The following PAX7 variants were observed in gnomAD, a reference collection of about 807,000 sequenced individuals.
PAX7 encodes the protein paired box protein Pax-7.
In PAX7, 18 loss-of-function variants were observed where a neutral mutation model predicts 50.7. That is an observed-to-expected ratio of 0.36 (90% CI 0.25 to 0.53). The LOEUF is 0.53. PAX7 is among the 20% of genes least tolerant of loss of function. The pLI, the probability that PAX7 is intolerant of heterozygous loss-of-function variation, is 0.93. For synonymous variants in PAX7, 310 were observed against 290.4 expected, an observed-to-expected ratio of 1.07 and a Z score of -0.69; for missense variants, 644 against 702.9, an observed-to-expected ratio of 0.92 and a Z score of 0.95.
chr1:18,725,306 C>G lies in PAX7; in HGVS notation c.1156-10326C>G, dbSNP rs1227784117. Among the ~76,000 whole-genome samples, 5 of 53,760 alleles carry G rather than the reference C, an allele frequency of 9.3e-5. 1 individual carries two copies. The highest frequency in any genetic ancestry group is 6.3e-4 in the African/African-American group (4 of 6,346). 35.3% of individuals were successfully genotyped at this position (53,760 alleles called of 152,430 possible). ...ACCAATTACAGAGGTGGAGACGCCC[C>G]CCCCCCGCCCCACCAACACCGCCAG... On this transcript the variant is annotated intron_variant, in intron 7 of 8. Coordinates refer to ENST00000420770, the MANE Select transcript of PAX7 (RefSeq NM_001135254.2).
intron 7 of PAX7, among the ~76,000 whole-genome samples, chr1:18,725,311 C>A (rs923844874): frequency 2.5e-4 from 18 of 72,752 alleles, no homozygotes; most frequent in Admixed American, 7.2e-4. Flanking sequence ...CGCCCCCCCC[C>A]CGCCCCACCA....
rs1227811164 is a variant in PAX7, at chr1:18,726,013, C to CGT, written c.1156-9611_1156-9610dup. Among the ~76,000 whole-genome samples, 3 of 147,648 alleles carry CGT rather than the reference C, an allele frequency of 2.0e-5. No homozygotes were observed. The highest frequency in any genetic ancestry group is 7.6e-5 in the African/African-American group (3 of 39,610). On this transcript the variant is annotated intron_variant, in intron 7 of 8. Coordinates refer to ENST00000420770, the MANE Select transcript of PAX7 (RefSeq NM_001135254.2). This position sits in a 1 kb window ranked among gnomAD's most constrained non-coding sequence, Gnocchi z 4.8. ...GTGTGTGCGCGCGCGCGCGTGCGCG[C>CGT]GTGTGTGTGCGTGTGTTTGTGTGTG... is the stretch of plus-strand genomic sequence containing the variant.
rs1931529974 is a variant in PAX7, at chr1:18,748,294, G to T, written c.*3365G>T. 4.4e-6 allele frequency: 1 copy of T among 227,930 alleles called. No individual in the cohort carries two copies. Among genetic ancestry groups the T allele is most frequent in the South Asian group, 1.8e-4 (1 of 5,482 alleles). 14.1% of individuals were successfully genotyped at this position (227,930 alleles called of 1,614,324 possible). Reference sequence around the variant, plus strand: ...CCAAGATTTTGGATCCTGGGCCTCAGTGACACTCCATCACCCAACTAAAAA... The same window carrying T: ...CCAAGATTTTGGATCCTGGGCCTCATTGACACTCCATCACCCAACTAAAAA... On this transcript the variant is annotated 3_prime_UTR_variant, in exon 9 of 9. Coordinates refer to ENST00000420770, the MANE Select transcript of PAX7 (RefSeq NM_001135254.2).
intron 7 of PAX7, among the ~76,000 whole-genome samples, chr1:18,716,304 C>G (rs947734215): frequency 1.3e-5 from 2 of 152,228 alleles, no homozygotes; most frequent in Admixed American, 6.5e-5. Flanking sequence ...CACTCCCCCA[C>G]TCTGTGGCTC....
At chr1:18,724,221 G>T (rs1159652746) in intron 7 of PAX7, among the ~76,000 whole-genome samples, 2 of 148,144 alleles carry the variant, frequency 1.4e-5, no homozygotes, top group Non-Finnish European at 3.0e-5. Flanking sequence ...ACCAGTCGAG[G>T]CTGGCTCAAG....
rs1160922666 is a variant in PAX7, at chr1:18,700,343, C to T, written c.787-310C>T. Among the ~76,000 whole-genome samples the T allele has an allele frequency of 6.6e-6, 1 of 152,124 alleles. No individual in the cohort carries two copies. The highest frequency in any genetic ancestry group is 1.5e-5 in the Non-Finnish European group (1 of 68,030). ...GGAAAGAGCACTGGCCTGAGAGCCA[C>T]ACAGGACTGGCTGGACCACTGACTC... On this transcript the variant is annotated intron_variant, in intron 5 of 8. Coordinates refer to ENST00000420770, the MANE Select transcript of PAX7 (RefSeq NM_001135254.2). The surrounding 1 kb of genome is among the most constrained non-coding windows in gnomAD (Gnocchi z 4.8).
At chr1:18,655,872 G>A (rs1265908182) in intron 4 of PAX7, among the ~76,000 whole-genome samples, 2 of 151,726 alleles carry the variant, frequency 1.3e-5, no homozygotes, top group Admixed American at 1.3e-4. Context: ...AGGCTTTGCA[G>A]GGGCAGAAGT....
At chr1:18,639,317 G>A (rs1284588278) in intron 4 of PAX7, among the ~76,000 whole-genome samples, 3 of 152,034 alleles carry the variant, frequency 2.0e-5, no homozygotes, top group South Asian at 2.1e-4. Context: ...ATTAAATTGA[G>A]CTTTTATTTC....
chr1:18,645,864 C>T (rs2088329904), intron 4 of PAX7, among the ~76,000 whole-genome samples: 1 of 152,182 alleles, frequency 6.6e-6, no homozygotes, highest in South Asian at 2.1e-4. Flanking sequence ...CCTCCGTCTC[C>T]CGCACTTTCT....
chr1:18,747,285 C>G lies in PAX7; in HGVS notation c.*2356C>G, dbSNP rs113757237. Reference sequence around the variant, plus strand: ...AGGACCAATCCCAGATATCTGGTCCCGATGGTGAAATGGAACAAAGACCTG... The same window carrying G: ...AGGACCAATCCCAGATATCTGGTCCGGATGGTGAAATGGAACAAAGACCTG... On this transcript the variant is annotated 3_prime_UTR_variant, in exon 9 of 9. Transcript: ENST00000420770. The G allele has an allele frequency of 3.4e-4, 77 of 229,172 alleles. No individual in the cohort carries two copies. The highest frequency in any genetic ancestry group is 5.9e-4 in the Non-Finnish European group (68 of 115,576). 14.2% of individuals were successfully genotyped at this position (229,172 alleles called of 1,614,324 possible).
rs919910918 is a variant in PAX7 at position 18,728,384 on chromosome 1, C to T, written c.1156-7248C>T. ...ACGGGTGTCTGGGTGTGTGTTGGTG[C>T]GTCTGTAATGTGTGTGTCTTCCTGC... On this transcript the variant is annotated intron_variant, in intron 7 of 8. Coordinates refer to ENST00000420770, the MANE Select transcript of PAX7 (RefSeq NM_001135254.2). Among the ~76,000 whole-genome samples, 22 of 151,530 alleles carry T rather than the reference C, an allele frequency of 1.5e-4. 1 individual carries two copies. Among genetic ancestry groups the T allele is most frequent in the East Asian group, 1.9e-4 (1 of 5,156 alleles).
intron 8 of PAX7, among the ~76,000 whole-genome samples, chr1:18,742,958 G>A (rs1257975864): frequency 6.6e-6 from 1 of 152,174 alleles, no homozygotes; most frequent in Non-Finnish European, 1.5e-5. Context: ...CAGGTCTAGA[G>A]AGGTCAAGTG....
intron 1 of PAX7, 67 bp downstream of exon 1, chr1:18,631,755 G>A: frequency 7.6e-7 from 1 of 1,316,762 alleles, no homozygotes; most frequent in South Asian, 1.2e-5. Context: ...TGGAGAGGCT[G>A]CGGTCTCCAG....
intron 7 of PAX7, among the ~76,000 whole-genome samples, chr1:18,705,378 G>T (rs958864316): frequency 2.6e-5 from 4 of 152,284 alleles, no homozygotes; most frequent in Non-Finnish European, 4.4e-5. Context: ...GGCGTGGCTT[G>T]GTGGTACAAA....
chr1:18,663,464 C>G (rs113908180), intron 4 of PAX7, among the ~76,000 whole-genome samples: 34 of 152,326 alleles, frequency 2.2e-4, no homozygotes, highest in African/African-American at 8.2e-4. Context: ...CTCATTGCAA[C>G]CTCTGCCTCC....
chr1:18,653,329 A>G (rs1048773169), intron 4 of PAX7, among the ~76,000 whole-genome samples: 1 of 152,086 alleles, frequency 6.6e-6, no homozygotes, highest in East Asian at 1.9e-4. Context: ...CTGGTTAAGG[A>G]CTTAAGAATT....
chr1:18,676,805 C>A (rs4920525), intron 4 of PAX7, among the ~76,000 whole-genome samples: 3 of 151,946 alleles, frequency 2.0e-5, no homozygotes, highest in Non-Finnish European at 2.9e-5. Context: ...GCCAGCCCCG[C>A]TGTATGCCTG....
chr1:18,669,670 T>C (rs1423837131), intron 4 of PAX7, among the ~76,000 whole-genome samples: 2 of 152,208 alleles, frequency 1.3e-5, no homozygotes, highest in African/African-American at 4.8e-5. Context: ...AAAGGAAGGC[T>C]GGTGCCTGCC....
chr1:18,728,994 C>T (rs1336129508), intron 7 of PAX7, among the ~76,000 whole-genome samples: 1 of 152,176 alleles, frequency 6.6e-6, no homozygotes, highest in Admixed American at 6.5e-5. Flanking sequence ...CAGTCCTCAG[C>T]CTGCTCTGAC....
Sources: gnomAD v4.1 joint callset for allele counts (sites outside exome capture counted in the v4.1 genomes callset) on GRCh38, gnomAD v4.1.1 for gene constraint, Gnocchi (gnomAD v3.1) non-coding constraint, MANE v1.5 for transcripts, NCBI Gene and HGNC (gene_info 2026-07-23, HGNC 2026-07-21) for gene names.